The following CTNNA3 variants were observed in gnomAD, a reference collection of about 807,000 sequenced individuals.
CTNNA3 encodes the protein catenin alpha-3.
Under a neutral mutation model 95.7 loss-of-function variants are expected in CTNNA3, and 76 were observed. The ratio of observed to expected loss-of-function variants is 0.79; its 90% CI spans 0.66 to 0.96. The LOEUF (loss-of-function observed/expected upper bound fraction) is 0.96, where lower values mean the gene tolerates loss of function less well. Ranked by LOEUF, CTNNA3 falls within the 40% of genes least tolerant of loss-of-function variation. The pLI is 0.00. For synonymous variants in CTNNA3, 431 were observed against 374.4 expected, an observed-to-expected ratio of 1.15 and a Z score of -1.74; for missense variants, 1,191 against 1,089.8, an observed-to-expected ratio of 1.09 and a Z score of -1.31.
chr10:67,418,113 C>A (rs1845609471), intron 5 of CTNNA3, among the ~76,000 whole-genome samples: 2 of 152,096 alleles, frequency 1.3e-5, no homozygotes, highest in Non-Finnish European at 2.9e-5. Context: ...CATAGTGCAA[C>A]CTTTGTTCAT....
intron 5 of CTNNA3, among the ~76,000 whole-genome samples, chr10:67,333,782 T>C (rs188825193): frequency 6.6e-6 from 1 of 152,038 alleles, no homozygotes; most frequent in Non-Finnish European, 1.5e-5. Flanking sequence ...AGTTGCCTCA[T>C]GTGAAAAATG....
chr10:66,237,985 T>C (rs1361870478), intron 13 of CTNNA3, among the ~76,000 whole-genome samples: 5 of 152,092 alleles, frequency 3.3e-5, no homozygotes, highest in Non-Finnish European at 5.9e-5. Context: ...ATTTTTTTTC[T>C]AAATTGTCAT....
chr10:66,573,313 C>A (rs1382065514), intron 10 of CTNNA3, among the ~76,000 whole-genome samples: 1 of 152,086 alleles, frequency 6.6e-6, no homozygotes, highest in East Asian at 1.9e-4. Context: ...TCTGAATAAG[C>A]AAATGCCAGA....
chr10:66,607,472 CAAAA>C (rs574854850), intron 10 of CTNNA3, among the ~76,000 whole-genome samples: 3 of 45,274 alleles, frequency 6.6e-5, no homozygotes, highest in African/African-American at 1.0e-4. Context: ...CAGAGACAAC[CAAAA>C]AAAAAAAAAA....
chr10:66,701,425 C>A (rs1285044172), intron 9 of CTNNA3, among the ~76,000 whole-genome samples: 4 of 152,130 alleles, frequency 2.6e-5, no homozygotes, highest in Non-Finnish European at 5.9e-5. Context: ...TCCATTAAAT[C>A]TACAGATCAA....
chr10:66,605,038 T>C (rs1844069588), intron 10 of CTNNA3, among the ~76,000 whole-genome samples: 1 of 152,100 alleles, frequency 6.6e-6, no homozygotes. Flanking sequence ...CATTGAAGCC[T>C]AATCCAAGGA....
At chr10:66,654,202 T>C (rs1846000185) in intron 9 of CTNNA3, among the ~76,000 whole-genome samples, 1 of 151,960 alleles carries the variant, frequency 6.6e-6, no homozygotes, top group Non-Finnish European at 1.5e-5. Context: ...TTGTAAACCA[T>C]ATATCTGATA....
intron 9 of CTNNA3, among the ~76,000 whole-genome samples, chr10:66,672,246 C>CA (rs142288212): frequency 2.0e-5 from 3 of 151,722 alleles, no homozygotes; most frequent in South Asian, 2.1e-4. Flanking sequence ...CATTTTTTAT[C>CA]AAAAAAAAAA....
chr10:66,474,488 G>T (rs1839252326), intron 11 of CTNNA3, among the ~76,000 whole-genome samples: 1 of 152,002 alleles, frequency 6.6e-6, no homozygotes, highest in Non-Finnish European at 1.5e-5. Context: ...CTTGGCTATT[G>T]TGAATGGTGT....
intron 12 of CTNNA3, among the ~76,000 whole-genome samples, chr10:66,323,689 C>A (rs2092219535): frequency 6.6e-6 from 1 of 151,182 alleles, no homozygotes; most frequent in Non-Finnish European, 1.5e-5. Flanking sequence ...GAGGGCAGTT[C>A]CCCAGCAAAG....
chr10:67,654,083 G>A (rs2133500505), intron 1 of CTNNA3, among the ~76,000 whole-genome samples: 1 of 152,330 alleles, frequency 6.6e-6, no homozygotes, highest in East Asian at 1.9e-4. Flanking sequence ...GGCCCCTCAA[G>A]TGCAAGACAG....
intron 13 of CTNNA3, among the ~76,000 whole-genome samples, chr10:66,166,277 G>C (rs1017679552): frequency 1.3e-5 from 2 of 151,818 alleles, no homozygotes; most frequent in Non-Finnish European, 2.9e-5. Flanking sequence ...TTCAAGACCA[G>C]CCTGGCCAAC....
chr10:67,227,873 T>C (rs943027590), intron 5 of CTNNA3, among the ~76,000 whole-genome samples: 1 of 152,102 alleles, frequency 6.6e-6, no homozygotes, highest in Admixed American at 6.5e-5. Context: ...GGAAAAAAAC[T>C]GGAAATCAAC....
intron 5 of CTNNA3, among the ~76,000 whole-genome samples, chr10:67,385,651 C>CT (rs1196042000): frequency 6.6e-6 from 1 of 151,896 alleles, no homozygotes; most frequent in South Asian, 2.1e-4. Flanking sequence ...ACTCTTCACC[C>CT]TTTTTTTTCT....
At chr10:67,479,087 A>G (rs377513157) in intron 5 of CTNNA3, among the ~76,000 whole-genome samples, 2 of 152,200 alleles carry the variant, frequency 1.3e-5, no homozygotes, top group African/African-American at 4.8e-5. Context: ...TCAACAGTAG[A>G]GCACCTAGAT....
In CTNNA3 at chr10:65,918,299, G is replaced by C. The variant is rs1469119220; in HGVS notation, c.*2031C>G. The C allele has an allele frequency of 6.6e-6, 1 of 152,054 alleles. No individual in the cohort carries two copies. The highest frequency in any genetic ancestry group is 1.5e-5 in the Non-Finnish European group (1 of 68,006). The allele number at this position is 152,054 out of a possible 1,614,324, so 9.4% of individuals were successfully genotyped here. On this transcript the variant is annotated 3_prime_UTR_variant, in exon 18 of 18. Coordinates refer to ENST00000433211, the MANE Select transcript of CTNNA3 (RefSeq NM_013266.4). ...GATGCTTATGATTCTTGTGAATGTG[G>C]CTTTAGGAGCTAAGATACACAACTG...
chr10:67,172,868 G>A (rs1159789203), intron 7 of CTNNA3, among the ~76,000 whole-genome samples: 3 of 151,720 alleles, frequency 2.0e-5, no homozygotes, highest in East Asian at 1.9e-4. Flanking sequence ...CCAGCTGCTC[G>A]AAAGGCTGAG....
At chr10:66,577,758 C>T (rs2631225) in intron 10 of CTNNA3, among the ~76,000 whole-genome samples, 104,268 of 151,954 alleles carry the variant, frequency 0.69, 37,086 homozygotes, top group Non-Finnish European at 0.78. Context: ...GGTAGTGTAA[C>T]GCCTCTGGCT....
At chr10:66,051,622 C>A (rs553078400) in intron 15 of CTNNA3, among the ~76,000 whole-genome samples, 1 of 152,306 alleles carries the variant, frequency 6.6e-6, no homozygotes, top group South Asian at 2.1e-4. Flanking sequence ...TGAATGAATT[C>A]TCTACAAGTG....
Sources: allele counts gnomAD v4.1 joint callset (sites outside exome capture counted in the v4.1 genomes callset), GRCh38; gene constraint gnomAD v4.1.1; transcripts MANE v1.5; gene names NCBI Gene and HGNC (gene_info 2026-07-23, HGNC 2026-07-21).